Variants in TBC1D9 observed in about 807,000 individuals in gnomAD.
The protein encoded by TBC1D9 is TBC1 domain family member 9A.
A neutral mutation model predicts 132.0 loss-of-function variants in TBC1D9; 63 were observed. The ratio of observed to expected loss-of-function variants is 0.48; its 90% confidence interval spans 0.39 to 0.59. The LOEUF is 0.59. Ranked by LOEUF, TBC1D9 falls within the 20% of genes least tolerant of loss-of-function variation. TBC1D9 has a pLI of 0.00. For synonymous variants in TBC1D9, 610 were observed against 609.9 expected (o/e 1.00, Z 0.00); for missense variants, 1,261 against 1,592.7 (o/e 0.79, Z 3.54).
At chr4:140,630,402 G>A in intron 16 of TBC1D9, among the ~76,000 whole-genome samples, 1 of 152,172 alleles carries the variant, frequency 6.6e-6, no homozygotes. Flanking sequence ...CCTGACTGAA[G>A]ACAAAGAAGT....
intron 2 of TBC1D9, among the ~76,000 whole-genome samples, chr4:140,694,306 C>A (rs1737918927): frequency 6.6e-6 from 1 of 152,128 alleles, no homozygotes; most frequent in African/African-American, 2.4e-5. Flanking sequence ...CGCAGTGGCT[C>A]ATGCCTGTAA....
chr4:140,643,364 G>A (rs955860913), intron 13 of TBC1D9: 5 of 1,303,706 alleles, frequency 3.8e-6, no homozygotes, highest in Non-Finnish European at 5.4e-6. Flanking sequence ...CACCTGGGGA[G>A]GGCAGAGGCC....
At chr4:140,679,896 T>A in intron 3 of TBC1D9, 53 bp from the exon 4 acceptor site, 1 of 1,443,200 alleles carries the variant, frequency 6.9e-7, no homozygotes, top group Admixed American at 2.2e-5. Flanking sequence ...TGACTAGAGA[T>A]GTACATATTC....
In TBC1D9 at chr4:140,756,061, G is replaced by T. The variant is rs377612455; in HGVS notation, c.-16C>A. The stretch of plus-strand genomic sequence containing the variant: ...TCACCCACATGGTCCTGGCTGCCGC[G>T]GGCGGGCGCACAATGGGCCCGTGGG... On this transcript the variant is annotated 5_prime_UTR_variant, in exon 1 of 21. Transcript: ENST00000442267. The surrounding 1 kb of genome is among the most constrained non-coding windows in gnomAD (Gnocchi z 5.6). 5.0e-6 allele frequency: 8 copies of T among 1,601,642 alleles called. No individual in the cohort carries two copies. The highest frequency in any genetic ancestry group is 2.3e-5 in the East Asian group (1 of 43,968).
intron 6 of TBC1D9, among the ~76,000 whole-genome samples, chr4:140,673,480 G>C (rs2111012451): frequency 6.6e-6 from 1 of 152,266 alleles, no homozygotes; most frequent in Middle Eastern, 3.4e-3. Context: ...CCTCCACTCA[G>C]ACCCCACATG....
chr4:140,638,614 C>T (rs1432206202), intron 15 of TBC1D9, among the ~76,000 whole-genome samples: 2 of 151,750 alleles, frequency 1.3e-5, no homozygotes, highest in Non-Finnish European at 2.9e-5. Context: ...AAGACTCCGT[C>T]TCAAAAAAGA....
intron 7 of TBC1D9, 62 bp downstream of exon 7, chr4:140,670,658 T>C (rs1737520211): frequency 7.1e-7 from 1 of 1,416,680 alleles, no homozygotes. Context: ...GGCAAGGAAC[T>C]GAACACACTT....
At chr4:140,717,915 T>C (rs932628180) in intron 1 of TBC1D9, among the ~76,000 whole-genome samples, 4 of 152,146 alleles carry the variant, frequency 2.6e-5, no homozygotes, top group African/African-American at 9.7e-5. Context: ...GCTAGCAATA[T>C]ACTTGTTCTC....
At position 140,671,067 on chromosome 4, in the gene TBC1D9, CTT is replaced by C. The variant is rs561990202; in HGVS notation, c.1060-143_1060-142del. The C allele has an allele frequency of 8.1e-4, 527 of 651,804 alleles. 5 individuals are homozygous for C. Among genetic ancestry groups the C allele is most frequent in the African/African-American group, 7.2e-3 (397 of 55,210 alleles). 40.4% of individuals were successfully genotyped at this position (651,804 alleles called of 1,614,324 possible). On this transcript the variant is annotated intron_variant, in intron 6 of 20. Coordinates refer to ENST00000442267, the MANE Select transcript of TBC1D9 (RefSeq NM_015130.3). ...ATTTTATTGAAGCAAAACTGAGACT[CTT>C]TGACTCTGTTCCAGTAAAATAAAAC...
chr4:140,756,167 G>T lies in TBC1D9; in HGVS notation c.-122C>A. On this transcript the variant is annotated 5_prime_UTR_variant, in exon 1 of 21. Transcript: ENST00000442267. This position sits in a 1 kb window ranked among gnomAD's most constrained non-coding sequence, Gnocchi z 5.6. ...CGCCCGCCCGTCCGCTAGGTGCGGCGGCGGCGGCGGCAGGCGACTTCAGGG... is the reference window on the plus strand; with the variant it reads ...CGCCCGCCCGTCCGCTAGGTGCGGCTGCGGCGGCGGCAGGCGACTTCAGGG... 1 of 739,480 alleles carries T rather than the reference G, an allele frequency of 1.4e-6. No individual in the cohort carries two copies. Among genetic ancestry groups the T allele is most frequent in the Non-Finnish European group, 1.9e-6 (1 of 529,088 alleles). The allele number at this position is 739,480 out of a possible 1,614,324, so 45.8% of individuals were successfully genotyped here. A position where few individuals can be genotyped will look rare whatever the true frequency, so the allele number is the denominator to read the frequency against.
chr4:140,725,614 C>T (rs995348623), intron 1 of TBC1D9, among the ~76,000 whole-genome samples: 1 of 152,020 alleles, frequency 6.6e-6, no homozygotes, highest in African/African-American at 2.4e-5. Context: ...GACACTGGAC[C>T]ACTCTGGAAA....
chr4:140,701,664 C>T, intron 1 of TBC1D9, 50 bp from the exon 2 acceptor site: 1 of 1,416,998 alleles, frequency 7.1e-7, no homozygotes, highest in South Asian at 1.2e-5. Context: ...TTAGTACTTT[C>T]CCACATTCCC....
rs112520408 is a variant in TBC1D9 at position 140,731,206 on chromosome 4, C to T, written c.130+24710G>A. Among the ~76,000 whole-genome samples the T allele has an allele frequency of 3.2e-3, 482 of 152,284 alleles. 4 individuals are homozygous for T. Among genetic ancestry groups the T allele is most frequent in the African/African-American group, 0.01 (431 of 41,564 alleles). On this transcript the variant is annotated intron_variant, in intron 1 of 20. Transcript: ENST00000442267. ...GCTTCTCACTCAGTGCCATCCTCTG[C>T]AGCACAATGATGATGGTAAGTGCTA...
At chr4:140,749,780 AAG>A (rs1435601320) in intron 1 of TBC1D9, among the ~76,000 whole-genome samples, 4 of 152,240 alleles carry the variant, frequency 2.6e-5, no homozygotes, top group African/African-American at 7.2e-5. Flanking sequence ...AAGTATGAAA[AAG>A]AGATACCATA....
At chr4:140,652,995 G>T (rs1320836024) in intron 13 of TBC1D9, among the ~76,000 whole-genome samples, 1 of 152,074 alleles carries the variant, frequency 6.6e-6, no homozygotes, top group Non-Finnish European at 1.5e-5. Flanking sequence ...TTCCAGGAGG[G>T]GCATCTCAGT....
In TBC1D9 at chr4:140,652,268, G is replaced by A. The variant is rs542198091; in HGVS notation, c.2337+4829C>T. ...ATAAAAAAAAAAAAAAAAAGATTTT[G>A]TTAATACATGAATAGACAAATGCTG... On this transcript the variant is annotated intron_variant, in intron 13 of 20. Coordinates refer to ENST00000442267, the MANE Select transcript of TBC1D9 (RefSeq NM_015130.3). Among the ~76,000 whole-genome samples, 11 of 150,578 alleles carry A rather than the reference G, an allele frequency of 7.3e-5. No homozygotes were observed. The East Asian group carries it at 1.6e-3, about 21-fold the overall frequency.
At position 140,661,951 on chromosome 4, in the gene TBC1D9, G is replaced by A; in HGVS notation, c.1745C>T (p.Ala582Val). 6.2e-7 allele frequency: 1 copy of A among 1,613,962 alleles called. No individual in the cohort carries two copies. The highest frequency in any genetic ancestry group is 8.5e-7 in the Non-Finnish European group (1 of 1,179,868). Residue 582 changes from alanine (A) to valine (V), a missense_variant, in exon 10 of 21, where the codon GCA (alanine) becomes GTA (valine). Coordinates refer to ENST00000442267, the MANE Select transcript of TBC1D9 (RefSeq NM_015130.3). ...ATAAGCTGTTAAGACTCTCCTTAGT[G>A]CAGCAATGCCCATTTCATTCTGAAA... The part of the protein sequence containing the change: ...PAFQNEMGIA[A>V]LRRVLTAYAF...
At chr4:140,754,313 A>G (rs951298969) in intron 1 of TBC1D9, among the ~76,000 whole-genome samples, 1 of 152,188 alleles carries the variant, frequency 6.6e-6, no homozygotes, top group African/African-American at 2.4e-5. Context: ...TTGTTGTCCT[A>G]GGCTTAAAGG....
chr4:140,753,716 A>G (rs908039129), intron 1 of TBC1D9, among the ~76,000 whole-genome samples: 1 of 152,106 alleles, frequency 6.6e-6, no homozygotes, highest in African/African-American at 2.4e-5. Flanking sequence ...TTTTACTTTA[A>G]TTTATGTGAT....
Sources: allele counts gnomAD v4.1 joint callset (sites outside exome capture counted in the v4.1 genomes callset), GRCh38; gene constraint gnomAD v4.1.1; non-coding constraint Gnocchi (gnomAD v3.1); transcripts MANE v1.5; gene names NCBI Gene and HGNC (gene_info 2026-07-23, HGNC 2026-07-21).